MAPKAPK5: variants seen among roughly 807,000 people sequenced by gnomAD.
MAPKAPK5 encodes MAP kinase-activated protein kinase 5.
In MAPKAPK5, 30 loss-of-function variants were observed where a neutral mutation model predicts 65.1. The observed-to-expected ratio is 0.46, with a 90% CI of 0.34 to 0.63. MAPKAPK5 has a LOEUF of 0.63. Among genes scored for constraint, MAPKAPK5 ranks in the 20% least tolerant of loss-of-function variants. The pLI, the probability that MAPKAPK5 is intolerant of heterozygous loss-of-function variation, is 0.01. For missense variants in MAPKAPK5, 433 were observed against 581.4 expected, an observed-to-expected ratio of 0.74 and a Z score of 2.63; for synonymous variants, 179 against 204.6, an observed-to-expected ratio of 0.87 and a Z score of 1.07.
At chr12:111,877,883 G>T (rs940504942) in intron 7 of MAPKAPK5, among the ~76,000 whole-genome samples, 10 of 151,806 alleles carry the variant, frequency 6.6e-5, no homozygotes, top group African/African-American at 2.4e-4. Context: ...TAAGAGATGG[G>T]GCCTCACCAC....
At chr12:111,842,843 G>C in intron 1 of MAPKAPK5, 74 bp downstream of exon 1, 3 of 1,248,744 alleles carry the variant, frequency 2.4e-6, no homozygotes, top group Non-Finnish European at 3.1e-6. Flanking sequence ...CAAAAAGCAG[G>C]GAGATTTTGC....
intron 1 of MAPKAPK5, among the ~76,000 whole-genome samples, chr12:111,863,176 C>G (rs1295465964): frequency 6.6e-6 from 1 of 152,096 alleles, no homozygotes; most frequent in Admixed American, 6.6e-5. Flanking sequence ...TAGATAGTGC[C>G]CATAACTCAC....
At chr12:111,843,292 C>T (rs2068789887) in intron 1 of MAPKAPK5, 1 of 398,532 alleles carries the variant, frequency 2.5e-6, no homozygotes, top group Non-Finnish European at 4.4e-6. Flanking sequence ...TTTCTTTTTC[C>T]TCTTCTTTCT....
intron 7 of MAPKAPK5, among the ~76,000 whole-genome samples, chr12:111,871,648 AAAAT>A (rs1192019953): frequency 6.6e-6 from 1 of 152,218 alleles, no homozygotes; most frequent in Admixed American, 6.5e-5. Flanking sequence ...GTCTCAAAAA[AAAAT>A]AAATAAAATA....
At chr12:111,864,959 A>T (rs2069554499) in intron 1 of MAPKAPK5, among the ~76,000 whole-genome samples, 1 of 152,212 alleles carries the variant, frequency 6.6e-6, no homozygotes, top group African/African-American at 2.4e-5. Flanking sequence ...TTCCTCTCAG[A>T]ACCCCCCAAA....
intron 2 of MAPKAPK5, 31 bp downstream of exon 2, chr12:111,865,354 A>G: frequency 6.7e-7 from 1 of 1,491,716 alleles, no homozygotes; most frequent in Non-Finnish European, 9.2e-7. Flanking sequence ...ACTATGGCAA[A>G]TTGTTGGCAT....
intron 1 of MAPKAPK5, among the ~76,000 whole-genome samples, chr12:111,845,901 C>T (rs917726009): frequency 2.0e-5 from 3 of 152,036 alleles, no homozygotes; most frequent in Admixed American, 6.6e-5. Flanking sequence ...CCAGCCTGGG[C>T]GACAGAGTTA....
chr12:111,887,233 A>G (rs934575942), intron 10 of MAPKAPK5, among the ~76,000 whole-genome samples: 1 of 152,014 alleles, frequency 6.6e-6, no homozygotes, highest in Non-Finnish European at 1.5e-5. Flanking sequence ...AAAAAGGAGA[A>G]CTGGAAAGTA....
At position 111,863,642 on chromosome 12, in the gene MAPKAPK5, T is replaced by C. The variant is rs2069514673; in HGVS notation, c.37-1608T>C. On this transcript the variant is annotated intron_variant, in intron 1 of 13. Transcript: ENST00000550735. ...TTTTTTTGAGATGGAGTTTTGCTCT[T>C]GTCGCCCATGCTGGAGTGCAATGGC... 2.6e-5 allele frequency among the ~76,000 whole-genome samples: 4 copies of C among 151,740 alleles called. No homozygotes were observed. The South Asian group carries it at 8.4e-4, about 32-fold the overall frequency.
intron 8 of MAPKAPK5, among the ~76,000 whole-genome samples, chr12:111,882,404 A>G (rs890622241): frequency 2.6e-5 from 4 of 152,084 alleles, no homozygotes; most frequent in African/African-American, 7.2e-5. Context: ...AGGCGAGAGT[A>G]CCTGAGACAC....
chr12:111,865,044 C>G (rs1433945753), intron 1 of MAPKAPK5, among the ~76,000 whole-genome samples: 1 of 152,132 alleles, frequency 6.6e-6, no homozygotes, highest in Non-Finnish European at 1.5e-5. Flanking sequence ...TCTTTGCTTT[C>G]TTGTTGGAAA....
Position 111,897,875 on chromosome 12 carries a change from A to T in MAPKAPK5, c.*4814A>T, listed in dbSNP as rs1016670528. ...AAAGGTCTCATGTTGTAAATATTTG[A>T]CTTGCTGTAAAATTATACAAGATAA... On this transcript the variant is annotated 3_prime_UTR_variant, in exon 14 of 14. Coordinates refer to ENST00000550735, the MANE Select transcript of MAPKAPK5 (RefSeq NM_003668.4). 1.3e-5 allele frequency: 2 copies of T among 151,696 alleles called. No homozygotes were observed. Among genetic ancestry groups the T allele is most frequent in the African/African-American group, 4.8e-5 (2 of 41,262 alleles). 9.4% of individuals were successfully genotyped at this position (151,696 alleles called of 1,614,324 possible). A position where few individuals can be genotyped will look rare whatever the true frequency, so the allele number is the denominator to read the frequency against.
At chr12:111,878,545 G>A (rs1475962205) in intron 7 of MAPKAPK5, among the ~76,000 whole-genome samples, 3 of 151,696 alleles carry the variant, frequency 2.0e-5, no homozygotes, top group South Asian at 2.1e-4. Context: ...TCAGCCTCCC[G>A]AGTAGCAGGG....
At chr12:111,892,120 A>G (rs2070636241) in intron 13 of MAPKAPK5, among the ~76,000 whole-genome samples, 1 of 152,186 alleles carries the variant, frequency 6.6e-6, no homozygotes, top group Non-Finnish European at 1.5e-5. Context: ...TATATTTGTG[A>G]CATCCATCCA....
rs753238884 is a variant in MAPKAPK5 at position 111,890,096 on chromosome 12, C to T, written c.1273C>T (p.Arg425Trp). The T allele has an allele frequency of 8.8e-6, 14 of 1,599,700 alleles. No individual in the cohort carries two copies. In the East Asian group the frequency reaches 1.4e-4, roughly 15 times the overall value. The change falls in exon 13 of 14, where the codon CGG becomes TGG. Residue 425 changes from arginine to tryptophan, a missense_variant. This residue lies in a region of MAPKAPK5 where 169 missense variants were observed against 215.6 expected (regional missense o/e 0.78). Transcript: ENST00000550735. ...AATGCAGGAGGCTTGGAAGTATAACCGGGAATGCAAACTCCTAAGAGATAC... is the reference window on the plus strand; with the variant it reads ...AATGCAGGAGGCTTGGAAGTATAACTGGGAATGCAAACTCCTAAGAGATAC... ...EVMQEAWKYN[R>W]ECKLLRDTLQ...
At position 111,842,583 on chromosome 12, in the gene MAPKAPK5, G is replaced by T. The variant is rs1271658591; in HGVS notation, c.-151G>T. 50 of 443,898 alleles carry T rather than the reference G, an allele frequency of 1.1e-4. No individual in the cohort carries two copies. In the East Asian group the frequency reaches 1.8e-3, roughly 16 times the overall value. 27.5% of individuals were successfully genotyped at this position (443,898 alleles called of 1,614,324 possible). ...CCGCCGAAGCAGAGCCGGCGCCGGGGTCCTCATCCCCACCGGTCCCGAGGG... is the reference window on the plus strand; with the variant it reads ...CCGCCGAAGCAGAGCCGGCGCCGGGTTCCTCATCCCCACCGGTCCCGAGGG... On this transcript the variant is annotated 5_prime_UTR_variant, in exon 1 of 14. Transcript: ENST00000550735.
intron 7 of MAPKAPK5, among the ~76,000 whole-genome samples, chr12:111,876,915 G>A (rs1334349423): frequency 6.6e-6 from 1 of 151,876 alleles, no homozygotes; most frequent in Admixed American, 6.6e-5. Context: ...GTGTACAAAG[G>A]CTCCCTTTTT....
At chr12:111,891,625 C>T (rs2070610386) in intron 13 of MAPKAPK5, among the ~76,000 whole-genome samples, 1 of 128,468 alleles carries the variant, frequency 7.8e-6, no homozygotes, top group South Asian at 2.6e-4. Flanking sequence ...AACCCCACCT[C>T]TACTAAAAAT....
intron 1 of MAPKAPK5, among the ~76,000 whole-genome samples, chr12:111,861,621 C>T (rs1322392097): frequency 2.6e-5 from 4 of 152,158 alleles, no homozygotes; most frequent in Admixed American, 6.6e-5. Context: ...CCACCATGCC[C>T]GGCCTGCATC....
Sources: allele counts gnomAD v4.1 joint callset (sites outside exome capture counted in the v4.1 genomes callset), GRCh38; gene constraint gnomAD v4.1.1; regional missense constraint gnomAD v4.1.1; transcripts MANE v1.5; gene names NCBI Gene and HGNC (gene_info 2026-07-23, HGNC 2026-07-21).